Variants in CACNA1C observed in about 807,000 individuals in gnomAD.
The protein encoded by CACNA1C is voltage-dependent L-type calcium channel subunit alpha-1C.
CACNA1C carries 30 observed loss-of-function variants against 229.0 expected under a neutral mutation model. The ratio of observed to expected loss-of-function variants is 0.13; its 90% CI spans 0.10 to 0.18. The LOEUF (loss-of-function observed/expected upper bound fraction) is 0.18. Among genes scored for constraint, CACNA1C ranks in the 10% least tolerant of loss-of-function variants. The pLI is 1.00. For synonymous variants in CACNA1C, 1,114 were observed against 1,132.5 expected (o/e 0.98, Z 0.33); for missense variants, 1,658 against 2,845.0 (o/e 0.58, Z 9.49).
chr12:2,506,973 T>C (rs959350869), intron 8 of CACNA1C, among the ~76,000 whole-genome samples: 12 of 152,140 alleles, frequency 7.9e-5, no homozygotes, highest in African/African-American at 2.7e-4. Context: ...CTGCTGATGT[T>C]GGGGAAGAAG....
rs572430796 is a variant in CACNA1C at position 2,549,876 on chromosome 12, AC to A, written c.1391-66del. The stretch of plus-strand genomic sequence containing the variant: ...TCTTGCGGTGGGCGTGTTGCAAACT[AC>A]TGCTCTTCTGTTCCCTTGTCTCCCC... On this transcript the variant is annotated intron_variant, in intron 9 of 46. Coordinates refer to ENST00000399655, the MANE Select transcript of CACNA1C (RefSeq NM_000719.7). The A allele has an allele frequency of 3.1e-5, 36 of 1,162,116 alleles. 1 individual carries two copies. Among genetic ancestry groups the A allele is most frequent in the East Asian group, 2.0e-4 (8 of 39,066 alleles). 72.0% of individuals were successfully genotyped at this position (1,162,116 alleles called of 1,614,324 possible). A position where few individuals can be genotyped will look rare whatever the true frequency, so the allele number is the denominator to read the frequency against.
chr12:2,524,200 G>A (rs532697053), intron 9 of CACNA1C, among the ~76,000 whole-genome samples: 2 of 152,330 alleles, frequency 1.3e-5, no homozygotes, highest in South Asian at 2.1e-4. Flanking sequence ...GAACCTCCTA[G>A]AGCCACATGC....
chr12:2,057,500 C>T (rs1351034678), intron 1 of CACNA1C, among the ~76,000 whole-genome samples: 2 of 152,140 alleles, frequency 1.3e-5, no homozygotes, highest in African/African-American at 4.8e-5. Flanking sequence ...GTGCTGCTTC[C>T]ATCAGGCCCA....
chr12:2,069,696 G>A (rs184414281), intron 1 of CACNA1C, among the ~76,000 whole-genome samples: 177 of 152,288 alleles, frequency 1.2e-3, no homozygotes, highest in African/African-American at 3.8e-3. Context: ...TATAATGACC[G>A]TTACTTGAGT....
At chr12:2,367,314 C>T (rs964658797) in intron 3 of CACNA1C, among the ~76,000 whole-genome samples, 4 of 152,184 alleles carry the variant, frequency 2.6e-5, no homozygotes, top group African/African-American at 9.7e-5. Context: ...CTGTAGCTCA[C>T]CTGCTGCACA....
intron 3 of CACNA1C, among the ~76,000 whole-genome samples, chr12:2,353,209 T>C (rs1397642622): frequency 6.6e-6 from 1 of 152,146 alleles, no homozygotes; most frequent in African/African-American, 2.4e-5. Context: ...AGGCTGAGTC[T>C]GGCAGGTGGG....
At chr12:2,303,562 C>T (rs946290513) in intron 3 of CACNA1C, among the ~76,000 whole-genome samples, 8 of 151,962 alleles carry the variant, frequency 5.3e-5, no homozygotes, top group Non-Finnish European at 2.9e-5. Context: ...ACCAGGAGTT[C>T]GCGACCAGCC....
At chr12:2,080,942 A>G (rs1265854010) in intron 1 of CACNA1C, among the ~76,000 whole-genome samples, 1 of 152,224 alleles carries the variant, frequency 6.6e-6, no homozygotes, top group East Asian at 1.9e-4. Flanking sequence ...AGTGGAGAGA[A>G]TGATGAAAAG....
intron 13 of CACNA1C, 38 bp from the exon 14 acceptor site, chr12:2,581,552 A>G (rs1341373939): frequency 2.9e-5 from 44 of 1,515,318 alleles, no homozygotes; most frequent in Admixed American, 4.0e-5. Flanking sequence ...GAGGACAGCA[A>G]GGGGCAGAGT....
chr12:2,516,120 A>G (rs562747600), intron 9 of CACNA1C, among the ~76,000 whole-genome samples: 1 of 152,212 alleles, frequency 6.6e-6, no homozygotes, highest in Non-Finnish European at 1.5e-5. Context: ...GGAATGTCTC[A>G]CGATCGAGGC....
chr12:2,438,305 G>GTGA (rs2099170090), intron 3 of CACNA1C, among the ~76,000 whole-genome samples: 1 of 147,676 alleles, frequency 6.8e-6, no homozygotes, highest in Non-Finnish European at 1.5e-5. Context: ...GGTGGTGGTG[G>GTGA]TGGTGGTTGT....
At chr12:2,075,115 C>T (rs1413649966) in intron 1 of CACNA1C, among the ~76,000 whole-genome samples, 1 of 152,226 alleles carries the variant, frequency 6.6e-6, no homozygotes, top group African/African-American at 2.4e-5. Flanking sequence ...TGACAGCCAA[C>T]ATCTTTTCAC....
chr12:2,125,492 C>CT (rs1293563264), intron 3 of CACNA1C, among the ~76,000 whole-genome samples: 2 of 152,102 alleles, frequency 1.3e-5, no homozygotes, highest in Non-Finnish European at 2.9e-5. Flanking sequence ...AGTTTCATAG[C>CT]TTTTTTTAAA....
intron 1 of CACNA1C, among the ~76,000 whole-genome samples, chr12:2,002,630 C>T (rs989187243): frequency 6.6e-6 from 1 of 152,158 alleles, no homozygotes; most frequent in African/African-American, 2.4e-5. Flanking sequence ...AAGAGAAATG[C>T]TCTACTCTCT....
At chr12:2,658,268 C>T in intron 34 of CACNA1C, among the ~76,000 whole-genome samples, 1 of 151,934 alleles carries the variant, frequency 6.6e-6, no homozygotes, top group East Asian at 1.9e-4. Flanking sequence ...AGAAATTAGC[C>T]ATAAAAACAA....
At position 2,655,158 on chromosome 12, in the gene CACNA1C, A is replaced by G. The variant is rs775331521; in HGVS notation, c.4152A>G (p.Lys1384=). Reference sequence around the variant, plus strand: ...CTTCTCTCTCCTAGGTGTTTGGGAAAATTGCCCTGAATGATACCACAGAGA... The same window carrying G: ...CTTCTCTCTCCTAGGTGTTTGGGAAGATTGCCCTGAATGATACCACAGAGA... ...YAVIGMQVFG[K]IALNDTTEIN... Residue 1384 remains lysine (K), a synonymous_variant, in exon 34 of 47, where the codon AAA becomes AAG. Coordinates refer to ENST00000399655, the MANE Select transcript of CACNA1C (RefSeq NM_000719.7). 35 of 1,611,078 alleles carry G rather than the reference A, an allele frequency of 2.2e-5. No homozygotes were observed. The East Asian group carries it at 7.6e-4, about 35-fold the overall frequency.
intron 3 of CACNA1C, among the ~76,000 whole-genome samples, chr12:2,178,793 G>A (rs957752206): frequency 6.6e-6 from 1 of 152,186 alleles, no homozygotes; most frequent in Non-Finnish European, 1.5e-5. Flanking sequence ...TGGGCACAGT[G>A]GCTCTTGCTT....
chr12:2,202,083 GATA>G (rs568714336), intron 3 of CACNA1C, among the ~76,000 whole-genome samples: 12 of 152,368 alleles, frequency 7.9e-5, no homozygotes, highest in Admixed American at 6.5e-4. Flanking sequence ...TTAGAGAAAT[GATA>G]ATGATCGTGG....
At chr12:2,640,029 G>A (rs1240693541) in intron 30 of CACNA1C, among the ~76,000 whole-genome samples, 4 of 152,154 alleles carry the variant, frequency 2.6e-5, no homozygotes, top group Non-Finnish European at 5.9e-5. Context: ...AAAGCTAAGC[G>A]AAGGTGGCAC....
Sources: gnomAD v4.1 joint callset for allele counts (sites outside exome capture counted in the v4.1 genomes callset) on GRCh38, gnomAD v4.1.1 for gene constraint, MANE v1.5 for transcripts, NCBI Gene and HGNC (gene_info 2026-07-23, HGNC 2026-07-21) for gene names.